Variants in HS3ST3B1 observed in about 807,000 individuals in gnomAD.
HS3ST3B1 encodes the protein heparan sulfate-glucosamine 3-sulfotransferase 3B1.
HS3ST3B1 carries 13 observed loss-of-function variants against 21.3 expected under a neutral mutation model. The ratio of observed to expected loss-of-function variants is 0.61; its 90% CI spans 0.40 to 0.97. The LOEUF (loss-of-function observed/expected upper bound fraction) is 0.97, where lower values mean the gene tolerates loss of function less well. Ranked by LOEUF, HS3ST3B1 falls within the 50% of genes least tolerant of loss-of-function variation. The pLI is 0.00. For missense variants in HS3ST3B1, 459 were observed against 554.8 expected (o/e 0.83, Z 1.73); for synonymous variants, 234 against 254.8 (o/e 0.92, Z 0.78).
chr17:14,342,485 A>G (rs922635711), intron 1 of HS3ST3B1, among the ~76,000 whole-genome samples: 6 of 152,112 alleles, frequency 3.9e-5, no homozygotes, highest in Admixed American at 2.0e-4. Context: ...GCTTATACAC[A>G]TATGCTGAAT....
chr17:14,345,448 C>T lies in HS3ST3B1; in HGVS notation c.975C>T (p.His325=), dbSNP rs768791871. The T allele has an allele frequency of 7.1e-7, 1 of 1,416,434 alleles. No individual in the cohort carries two copies. Among genetic ancestry groups the T allele is most frequent in the South Asian group, 1.2e-5 (1 of 83,362 alleles). The allele number at this position is 1,416,434 out of a possible 1,614,324, so 87.7% of individuals were successfully genotyped here. Reference sequence around the variant, plus strand: ...TCAAGAGGATCATCACGGACAAGCACTTCTACTTCAACAAGACCAAGGGCT... The same window carrying T: ...TCAAGAGGATCATCACGGACAAGCATTTCTACTTCAACAAGACCAAGGGCT... The part of the protein sequence containing the change: ...LGLKRIITDK[H]FYFNKTKGFP... Residue 325 remains histidine, a synonymous_variant, in exon 2 of 2, where the codon CAC becomes CAT. Coordinates refer to ENST00000360954, the MANE Select transcript of HS3ST3B1 (RefSeq NM_006041.3).
intron 1 of HS3ST3B1, among the ~76,000 whole-genome samples, chr17:14,306,986 T>C (rs1909157930): frequency 6.6e-6 from 1 of 152,214 alleles, no homozygotes; most frequent in Admixed American, 6.5e-5. Flanking sequence ...ATTAATCTTT[T>C]ACAAGTTGAA....
In HS3ST3B1 at chr17:14,303,606, T is replaced by C. The variant is rs1415746603; in HGVS notation, c.554+1534T>C. ...TCGCGTGAACCTTGGTGCTCTCATCTGTGCAGTGGGAATAATGCAGGTTCT... is the reference window on the plus strand; with the variant it reads ...TCGCGTGAACCTTGGTGCTCTCATCCGTGCAGTGGGAATAATGCAGGTTCT... On this transcript the variant is annotated intron_variant, in intron 1 of 1. Transcript: ENST00000360954. The surrounding 1 kb of genome is among the most constrained non-coding windows in gnomAD (Gnocchi z 5.7). Among the ~76,000 whole-genome samples, 2 of 152,178 alleles carry C rather than the reference T, an allele frequency of 1.3e-5. No individual in the cohort carries two copies. Among genetic ancestry groups the C allele is most frequent in the Admixed American group, 1.3e-4 (2 of 15,278 alleles).
In HS3ST3B1 at chr17:14,344,959, G is replaced by A. The variant is rs1910503203; in HGVS notation, c.555-69G>A. ...TAAGAGGGAGCTGGGATTAGAAGTC[G>A]TGACCTTAAGACGTGTGGCCAGAGA... On this transcript the variant is annotated intron_variant, in intron 1 of 1. Coordinates refer to ENST00000360954, the MANE Select transcript of HS3ST3B1 (RefSeq NM_006041.3). 8 of 1,542,848 alleles carry A rather than the reference G, an allele frequency of 5.2e-6. No homozygotes were observed. The South Asian group carries it at 8.9e-5, about 17-fold the overall frequency.
intron 1 of HS3ST3B1, among the ~76,000 whole-genome samples, chr17:14,313,150 A>ACATAT (rs1347236175): frequency 6.7e-6 from 1 of 150,196 alleles, no homozygotes; most frequent in Non-Finnish European, 1.5e-5. Flanking sequence ...ATATATTTTT[A>ACATAT]GTAGAGACAG....
Position 14,301,396 on chromosome 17 carries a change from C to A in HS3ST3B1, c.-123C>A. On this transcript the variant is annotated 5_prime_UTR_variant, in exon 1 of 2. Coordinates refer to ENST00000360954, the MANE Select transcript of HS3ST3B1 (RefSeq NM_006041.3). ...AGCAGCAGCGGCGGCCGCGGGCACA[C>A]GGGGGCAATAAACCGAGCCACCCGG... The A allele has an allele frequency of 2.3e-6, 2 of 859,488 alleles. No individual in the cohort carries two copies. The highest frequency in any genetic ancestry group is 3.2e-6 in the Non-Finnish European group (2 of 620,152). 53.2% of individuals were successfully genotyped at this position (859,488 alleles called of 1,614,324 possible).
intron 1 of HS3ST3B1, among the ~76,000 whole-genome samples, chr17:14,321,790 G>T (rs1909666300): frequency 6.6e-6 from 1 of 152,138 alleles, no homozygotes; most frequent in Non-Finnish European, 1.5e-5. Context: ...GGCTAATCTA[G>T]TTATTTTCAG....
intron 1 of HS3ST3B1, chr17:14,329,375 GAAGGAAGGA>G (rs1909926209): frequency 1.3e-5 from 1 of 76,814 alleles, no homozygotes; most frequent in African/African-American, 4.3e-5. Context: ...GAAAAGGAAG[GAAGGAAGGA>G]AGGAAGGAGA....
In HS3ST3B1 at chr17:14,301,099, C is replaced by A. The variant is rs1473082613; in HGVS notation, c.-420C>A. 1 of 191,586 alleles carries A rather than the reference C, an allele frequency of 5.2e-6. No homozygotes were observed. 11.9% of individuals were successfully genotyped at this position (191,586 alleles called of 1,614,324 possible). A position where few individuals can be genotyped will look rare whatever the true frequency, so the allele number is the denominator to read the frequency against. ...TTCCTGCGCAGTTCGCCTCTGCAGC[C>A]TCTGCGGGGAAGTGCCGGGGCTGCT... On this transcript the variant is annotated 5_prime_UTR_variant, in exon 1 of 2. Coordinates refer to ENST00000360954, the MANE Select transcript of HS3ST3B1 (RefSeq NM_006041.3).
intron 1 of HS3ST3B1, among the ~76,000 whole-genome samples, chr17:14,311,790 C>T (rs72818687): frequency 1.2e-4 from 18 of 152,126 alleles, no homozygotes; most frequent in Middle Eastern, 3.4e-3. Flanking sequence ...TGTATGCATA[C>T]CTGTAATCCC....
rs2142358395 is a variant in HS3ST3B1, at chr17:14,346,334, C to A, written c.*688C>A. 7.3e-6 allele frequency: 1 copy of A among 136,972 alleles called. No homozygotes were observed. Among genetic ancestry groups the A allele is most frequent in the Middle Eastern group, 4.2e-3 (1 of 238 alleles). 8.5% of individuals were successfully genotyped at this position (136,972 alleles called of 1,614,324 possible). ...ATGGTGTGATATATGCTTACCACAACCTCTGGCTCCCGGTTCAAGCGATTC... is the reference window on the plus strand; with the variant it reads ...ATGGTGTGATATATGCTTACCACAAACTCTGGCTCCCGGTTCAAGCGATTC... On this transcript the variant is annotated 3_prime_UTR_variant, in exon 2 of 2. Coordinates refer to ENST00000360954, the MANE Select transcript of HS3ST3B1 (RefSeq NM_006041.3).
chr17:14,319,898 C>A (rs910528386), intron 1 of HS3ST3B1, among the ~76,000 whole-genome samples: 3 of 152,012 alleles, frequency 2.0e-5, no homozygotes, highest in Non-Finnish European at 4.4e-5. Context: ...GTACACTGTA[C>A]CCAATGTTTA....
At chr17:14,319,325 G>T (rs950315997) in intron 1 of HS3ST3B1, among the ~76,000 whole-genome samples, 2 of 152,166 alleles carry the variant, frequency 1.3e-5, no homozygotes, top group Admixed American at 6.5e-5. Flanking sequence ...TGTATTGAGA[G>T]GACAGGCACC....
chr17:14,321,805 G>A (rs1376250827), intron 1 of HS3ST3B1, among the ~76,000 whole-genome samples: 1 of 152,124 alleles, frequency 6.6e-6, no homozygotes, highest in Non-Finnish European at 1.5e-5. Context: ...TTTCAGTTTT[G>A]TGATCATTTG....
chr17:14,338,842 T>C (rs1445672406), intron 1 of HS3ST3B1, among the ~76,000 whole-genome samples: 1 of 152,204 alleles, frequency 6.6e-6, no homozygotes, highest in East Asian at 1.9e-4. Flanking sequence ...CCCAGTTTTT[T>C]GAGGCCACTG....
At chr17:14,324,636 C>T (rs2142338012) in intron 1 of HS3ST3B1, among the ~76,000 whole-genome samples, 1 of 152,180 alleles carries the variant, frequency 6.6e-6, no homozygotes, top group South Asian at 2.1e-4. Flanking sequence ...ATTTTAGAGA[C>T]AGGGTCTTGC....
intron 1 of HS3ST3B1, chr17:14,304,095 C>A (rs1909043921): frequency 6.6e-6 from 1 of 152,218 alleles, no homozygotes; most frequent in South Asian, 2.1e-4. Flanking sequence ...GACAGCGCAG[C>A]CCGGGAGGTT....
At chr17:14,337,291 G>A (rs1287488327) in intron 1 of HS3ST3B1, among the ~76,000 whole-genome samples, 1 of 150,640 alleles carries the variant, frequency 6.6e-6, no homozygotes, top group Non-Finnish European at 1.5e-5. Context: ...AGGGGTGTGT[G>A]TGTGTGTGTT....
chr17:14,301,179 A>G lies in HS3ST3B1; in HGVS notation c.-340A>G. The G allele has an allele frequency of 3.4e-6, 1 of 297,180 alleles. No homozygotes were observed. Among genetic ancestry groups the G allele is most frequent in the South Asian group, 9.1e-5 (1 of 10,962 alleles). 18.4% of individuals were successfully genotyped at this position (297,180 alleles called of 1,614,324 possible). ...GCAGCCCCGGCGTGCGGCGGTGCGC[A>G]CAGTCTAGAGTGGCCAGGGCGCGAG... On this transcript the variant is annotated 5_prime_UTR_variant, in exon 1 of 2. Coordinates refer to ENST00000360954, the MANE Select transcript of HS3ST3B1 (RefSeq NM_006041.3).
Sources: gnomAD v4.1 joint callset for allele counts (sites outside exome capture counted in the v4.1 genomes callset) on GRCh38, gnomAD v4.1.1 for gene constraint, Gnocchi (gnomAD v3.1) non-coding constraint, MANE v1.5 for transcripts, NCBI Gene and HGNC (gene_info 2026-07-23, HGNC 2026-07-21) for gene names.